Variants in ELAPOR2 observed in about 807,000 individuals in gnomAD.
The protein encoded by ELAPOR2 is endosome/lysosome-associated apoptosis and autophagy regulator family member 2.
Under a neutral mutation model 120.7 loss-of-function variants are expected in ELAPOR2, and 89 were observed. That is an observed-to-expected ratio of 0.74 (90% confidence interval 0.62 to 0.88). ELAPOR2 has a LOEUF of 0.88. Ranked by LOEUF, ELAPOR2 falls within the 40% of genes least tolerant of loss-of-function variation. ELAPOR2 has a pLI of 0.00. For missense variants in ELAPOR2, 1,134 were observed against 1,251.6 expected (o/e 0.91, Z 1.42); for synonymous variants, 444 against 444.9 (o/e 1.00, Z 0.03).
chr7:87,009,443 C>T (rs1049115108), intron 1 of ELAPOR2, among the ~76,000 whole-genome samples: 44 of 152,114 alleles, frequency 2.9e-4, no homozygotes, highest in African/African-American at 1.1e-3. Context: ...GACAGTTTGC[C>T]TTGGGAATAG....
In ELAPOR2 at chr7:86,924,374, TACACACACACAC is replaced by T. The variant is rs3057442; in HGVS notation, c.1399+1142_1399+1153del. ...CAGGTAATCTTTACTAGTAAGTGAA[TACACACACACAC>T]ACACACACACACACACACACAAATG... On this transcript the variant is annotated intron_variant, in intron 10 of 21. Transcript: ENST00000450689. Among the ~76,000 whole-genome samples the T allele has an allele frequency of 3.3e-3, 474 of 145,328 alleles. 3 individuals are homozygous for T. The highest frequency in any genetic ancestry group is 0.011 in the African/African-American group (421 of 39,648).
chr7:87,011,264 A>AAAAAAAAAAAAAAAAG (rs1554404742), intron 1 of ELAPOR2, among the ~76,000 whole-genome samples: 5 of 133,802 alleles, frequency 3.7e-5, no homozygotes, highest in African/African-American at 6.1e-5. Flanking sequence ...AAAAAAAAAA[A>AAAAAAAAAAAAAAAAG]AAAAGAAAAG....
At chr7:87,057,501 T>C (rs1051732644) in intron 1 of ELAPOR2, among the ~76,000 whole-genome samples, 1 of 152,174 alleles carries the variant, frequency 6.6e-6, no homozygotes, top group Non-Finnish European at 1.5e-5. Flanking sequence ...GCAGGCTCAA[T>C]AGCGTCCTCC....
chr7:86,938,042 C>G, intron 8 of ELAPOR2, 84 bp downstream of exon 8: 2 of 1,008,656 alleles, frequency 2.0e-6, no homozygotes, highest in Non-Finnish European at 3.0e-6. Flanking sequence ...TCATAAATAT[C>G]TCTCACGAAC....
intron 1 of ELAPOR2, among the ~76,000 whole-genome samples, chr7:87,001,236 T>G (rs979968636): frequency 1.3e-5 from 2 of 152,018 alleles, no homozygotes; most frequent in African/African-American, 4.8e-5. Context: ...AGAGTAGAGG[T>G]GATATTATAA....
At chr7:86,914,902 C>T in intron 12 of ELAPOR2, 42 bp from the exon 13 acceptor site, 2 of 1,494,950 alleles carry the variant, frequency 1.3e-6, no homozygotes, top group South Asian at 1.2e-5. Flanking sequence ...AAAGCACAAA[C>T]TCAACATTAA....
chr7:86,990,043 T>C (rs1792890103), intron 1 of ELAPOR2, among the ~76,000 whole-genome samples: 1 of 151,878 alleles, frequency 6.6e-6, no homozygotes. Context: ...GCTCTTATTT[T>C]TTTTTTATTT....
chr7:86,895,373 C>A lies in ELAPOR2; in HGVS notation c.2685+2133G>T, dbSNP rs375590407. Among the ~76,000 whole-genome samples the A allele has an allele frequency of 5.9e-4, 90 of 152,164 alleles. No homozygotes were observed. In the East Asian group the frequency reaches 0.015, roughly 25 times the overall value. ...GAATACATTAAGTAAGGTCTATGAA[C>A]TCAGGAATGACATTCATAGTTTTGT... On this transcript the variant is annotated intron_variant, in intron 19 of 21. Transcript: ENST00000450689.
chr7:86,997,780 G>C (rs1007022986), intron 1 of ELAPOR2, among the ~76,000 whole-genome samples: 1 of 152,138 alleles, frequency 6.6e-6, no homozygotes, highest in Admixed American at 6.6e-5. Flanking sequence ...TCCCTCACAG[G>C]TTACAGAAGT....
At chr7:86,949,655 G>C (rs559281873) in intron 2 of ELAPOR2, among the ~76,000 whole-genome samples, 1 of 152,148 alleles carries the variant, frequency 6.6e-6, no homozygotes, top group Non-Finnish European at 1.5e-5. Flanking sequence ...TGCTCCCCCT[G>C]CCTGGCCTCT....
chr7:86,949,959 G>A (rs1791174959), intron 2 of ELAPOR2, among the ~76,000 whole-genome samples: 1 of 152,210 alleles, frequency 6.6e-6, no homozygotes, highest in Non-Finnish European at 1.5e-5. Flanking sequence ...GAAGCCTGGG[G>A]GCTGGGTTGC....
chr7:86,920,042 T>C (rs930371520), intron 10 of ELAPOR2, among the ~76,000 whole-genome samples: 21 of 152,148 alleles, frequency 1.4e-4, no homozygotes, highest in African/African-American at 4.6e-4. Flanking sequence ...TACCTCAGCA[T>C]TGGCATTTCC....
At chr7:86,978,661 A>G (rs1373675887) in intron 1 of ELAPOR2, among the ~76,000 whole-genome samples, 1 of 152,054 alleles carries the variant, frequency 6.6e-6, no homozygotes, top group East Asian at 1.9e-4. Flanking sequence ...CAGCACCATC[A>G]TTTTTCCAAC....
chr7:86,908,449 A>G lies in ELAPOR2; in HGVS notation c.2454T>C (p.Tyr818=), dbSNP rs771145375. The change falls in exon 17 of 22, where the codon TAT becomes TAC. Residue 818 remains tyrosine (Y), a splice_region_variant and synonymous_variant. Transcript: ENST00000450689. The part of the protein sequence containing the change: ...TSQIPDVHFF[Y]KSSTATTSCI... ...AGGGAAACAGCATCTTCACTTACTT[A>G]TAAAAGAAATGCACATCTGGTATTT... The G allele has an allele frequency of 2.0e-6, 3 of 1,533,870 alleles. No homozygotes were observed. The highest frequency in any genetic ancestry group is 2.7e-6 in the Non-Finnish European group (3 of 1,121,946).
intron 3 of ELAPOR2, among the ~76,000 whole-genome samples, chr7:86,946,104 T>C (rs1040933949): frequency 6.6e-6 from 1 of 151,502 alleles, no homozygotes; most frequent in African/African-American, 2.4e-5. Context: ...ATGAAACATG[T>C]TTGACATTAT....
intron 1 of ELAPOR2, among the ~76,000 whole-genome samples, chr7:87,015,385 A>G (rs189436681): frequency 2.0e-5 from 3 of 152,204 alleles, no homozygotes; most frequent in Admixed American, 2.0e-4. Context: ...GCTCTTTCCT[A>G]CTCTCCTGCC....
chr7:86,980,257 C>T (rs776515331), intron 1 of ELAPOR2, among the ~76,000 whole-genome samples: 25 of 152,132 alleles, frequency 1.6e-4, no homozygotes, highest in Non-Finnish European at 8.8e-5. Flanking sequence ...TCTGAGATTC[C>T]AGGTTTCTGA....
At chr7:87,020,936 T>C (rs913239401) in intron 1 of ELAPOR2, among the ~76,000 whole-genome samples, 5 of 152,122 alleles carry the variant, frequency 3.3e-5, no homozygotes, top group African/African-American at 9.7e-5. Context: ...GCTACTTTTA[T>C]TACAAAAATA....
chr7:87,039,030 T>A (rs978310305), intron 1 of ELAPOR2, among the ~76,000 whole-genome samples: 1 of 151,186 alleles, frequency 6.6e-6, no homozygotes, highest in South Asian at 2.1e-4. Flanking sequence ...TTAGCTAGAC[T>A]AAGAAAAAAA....
Sources: gnomAD v4.1 joint callset for allele counts (sites outside exome capture counted in the v4.1 genomes callset) on GRCh38, gnomAD v4.1.1 for gene constraint, MANE v1.5 for transcripts, NCBI Gene and HGNC (gene_info 2026-07-23, HGNC 2026-07-21) for gene names.